MFSD6: variants seen among roughly 807,000 people sequenced by gnomAD.
The protein encoded by MFSD6 is major facilitator superfamily domain containing 6, also known as major facilitator superfamily domain-containing protein 6.
In MFSD6, 26 loss-of-function variants were observed where a neutral mutation model predicts 56.3. The observed-to-expected ratio is 0.46, with a 90% confidence interval of 0.34 to 0.64. The LOEUF (loss-of-function observed/expected upper bound fraction) is 0.64, where lower values mean the gene tolerates loss of function less well. Among genes scored for constraint, MFSD6 ranks in the 30% least tolerant of loss-of-function variants. The pLI, the probability that MFSD6 is intolerant of heterozygous loss-of-function variation, is 0.01. For missense variants in MFSD6, 750 were observed against 986.2 expected (o/e 0.76, Z 3.21); for synonymous variants, 331 against 366.9 (o/e 0.90, Z 1.12).
chr2:190,449,963 A>G (rs1002884607), intron 3 of MFSD6, among the ~76,000 whole-genome samples: 2 of 152,180 alleles, frequency 1.3e-5, no homozygotes, highest in Non-Finnish European at 2.9e-5. Flanking sequence ...ATGTATACAT[A>G]TGTAACTAAC....
chr2:190,448,145 C>A (rs4241290), intron 3 of MFSD6, among the ~76,000 whole-genome samples: 133,787 of 152,178 alleles, frequency 0.88, 59,622 homozygotes, highest in East Asian at 1. Context: ...GACTGCCACC[C>A]TCTAACAGGC....
chr2:190,456,035 G>C lies in MFSD6; in HGVS notation c.1533-13723G>C, dbSNP rs150757846. Among the ~76,000 whole-genome samples, 20,015 of 143,138 alleles carry C rather than the reference G, an allele frequency of 0.14. 1,627 individuals carry two copies. Among genetic ancestry groups the C allele is most frequent in the Middle Eastern group, 0.23 (62 of 264 alleles). 93.9% of individuals were successfully genotyped at this position (143,138 alleles called of 152,430 possible). A position where few individuals can be genotyped will look rare whatever the true frequency, so the allele number is the denominator to read the frequency against. On this transcript the variant is annotated intron_variant, in intron 3 of 7. Coordinates refer to ENST00000392328, the MANE Select transcript of MFSD6 (RefSeq NM_017694.4). The surrounding 1 kb of genome is among the most constrained non-coding windows in gnomAD (Gnocchi z 5.4). The stretch of plus-strand genomic sequence containing the variant: ...GGCTCACTGCAACCTCTGCCTCCTG[G>C]GTTCAAGCAGTTCTCCTGTGTCAGC...
intron 3 of MFSD6, among the ~76,000 whole-genome samples, chr2:190,448,271 G>A (rs528683033): frequency 2.6e-5 from 4 of 152,350 alleles, no homozygotes; most frequent in African/African-American, 7.2e-5. Flanking sequence ...CCTCAAGCTA[G>A]ATACTCCCTA....
In MFSD6 at chr2:190,415,590, A is replaced by G. The variant is rs1690742344; in HGVS notation, c.-54+177A>G. Among the ~76,000 whole-genome samples, 1 of 152,162 alleles carries G rather than the reference A, an allele frequency of 6.6e-6. No homozygotes were observed. Among genetic ancestry groups the G allele is most frequent in the Non-Finnish European group, 1.5e-5 (1 of 68,016 alleles). ...CAGCCACTTTTTTATTTTATGGGCT[A>G]AGTAATAAACCTTTTTCTGAAACTA... On this transcript the variant is annotated intron_variant, in intron 2 of 7. Transcript: ENST00000392328. The surrounding 1 kb of genome is among the most constrained non-coding windows in gnomAD (Gnocchi z 4.5).
At chr2:190,441,245 C>T (rs766023243) in intron 3 of MFSD6, among the ~76,000 whole-genome samples, 4 of 152,028 alleles carry the variant, frequency 2.6e-5, no homozygotes, top group Admixed American at 6.6e-5. Context: ...GGTCTGTTCT[C>T]GTGTCTTCTA....
At position 190,499,802 on chromosome 2, in the gene MFSD6, G is replaced by C. The variant is rs561510915; in HGVS notation, c.2173-213G>C. The C allele has an allele frequency of 1.1e-5, 17 of 1,523,202 alleles. No homozygotes were observed. The South Asian group carries it at 1.9e-4, about 17-fold the overall frequency. The allele number at this position is 1,523,202 out of a possible 1,614,324, so 94.4% of individuals were successfully genotyped here. A position where few individuals can be genotyped will look rare whatever the true frequency, so the allele number is the denominator to read the frequency against. ...TTTCCACAAGACACGTCTGCTTATAGTGTTTGTGTTTTTCATGCGGCTCTG... is the reference window on the plus strand; with the variant it reads ...TTTCCACAAGACACGTCTGCTTATACTGTTTGTGTTTTTCATGCGGCTCTG... On this transcript the variant is annotated intron_variant, in intron 7 of 7. Coordinates refer to ENST00000392328, the MANE Select transcript of MFSD6 (RefSeq NM_017694.4). The surrounding 1 kb of genome is among the most constrained non-coding windows in gnomAD (Gnocchi z 6.0).
chr2:190,435,791 T>G, intron 2 of MFSD6, 186 bp from the exon 3 acceptor site: 3 of 474,416 alleles, frequency 6.3e-6, no homozygotes, highest in Non-Finnish European at 7.3e-6. Flanking sequence ...CCATAAAGAG[T>G]ATTCGATTTT....
At chr2:190,449,949 G>C (rs1190297534) in intron 3 of MFSD6, among the ~76,000 whole-genome samples, 2 of 151,828 alleles carry the variant, frequency 1.3e-5, no homozygotes, top group African/African-American at 4.8e-5. Flanking sequence ...CACCAGCATG[G>C]CACATGTATA....
chr2:190,452,640 AC>A (rs1686821534), intron 3 of MFSD6, among the ~76,000 whole-genome samples: 2 of 152,138 alleles, frequency 1.3e-5, no homozygotes, highest in Admixed American at 1.3e-4. Flanking sequence ...ACCCAGTCTC[AC>A]CTCTTAGTCT....
rs190496178 is a variant in MFSD6, at chr2:190,496,890, T to C, written c.1892-549T>C. On this transcript the variant is annotated intron_variant, in intron 6 of 7. Transcript: ENST00000392328. The surrounding 1 kb of genome is among the most constrained non-coding windows in gnomAD (Gnocchi z 4.7). Reference sequence around the variant, plus strand: ...ATGCAAAGGCATAAGAATGATATGATGGACTTTGGGGACTCAGGGGAAAGG... The same window carrying C: ...ATGCAAAGGCATAAGAATGATATGACGGACTTTGGGGACTCAGGGGAAAGG... Among the ~76,000 whole-genome samples, 163 of 152,242 alleles carry C rather than the reference T, an allele frequency of 1.1e-3. 2 individuals carry two copies. Among genetic ancestry groups the C allele is most frequent in the Admixed American group, 7.8e-3 (120 of 15,296 alleles).
chr2:190,434,154 C>G lies in MFSD6; in HGVS notation c.-53-1823C>G, dbSNP rs1375496128. Among the ~76,000 whole-genome samples, 1 of 145,124 alleles carries G rather than the reference C, an allele frequency of 6.9e-6. No individual in the cohort carries two copies. Among genetic ancestry groups the G allele is most frequent in the Non-Finnish European group, 1.5e-5 (1 of 67,070 alleles). ...CATAATTACACCACTGCACTCCAGC[C>G]TGGGTGACAGAGTAAGACCCTGTCT... On this transcript the variant is annotated intron_variant, in intron 2 of 7. Coordinates refer to ENST00000392328, the MANE Select transcript of MFSD6 (RefSeq NM_017694.4). This position sits in a 1 kb window ranked among gnomAD's most constrained non-coding sequence, Gnocchi z 4.3.
rs768081945 is a variant in MFSD6 at position 190,488,006 on chromosome 2, G to A, written c.1631-651G>A. On this transcript the variant is annotated intron_variant, in intron 4 of 7. Transcript: ENST00000392328. The surrounding 1 kb of genome is among the most constrained non-coding windows in gnomAD (Gnocchi z 6.4). The stretch of plus-strand genomic sequence containing the variant: ...CAACCTCTGCCTCCTGGGTTCAAAC[G>A]ATTCCACTGCCTCAGCCTCCCGAGT... Among the ~76,000 whole-genome samples, 1 of 152,090 alleles carries A rather than the reference G, an allele frequency of 6.6e-6. No individual in the cohort carries two copies. The highest frequency in any genetic ancestry group is 2.4e-5 in the African/African-American group (1 of 41,400).
rs537108807 is a variant in MFSD6 at position 190,437,604 on chromosome 2, T to G, written c.1532+43T>G. 65 of 1,572,056 alleles carry G rather than the reference T, an allele frequency of 4.1e-5. 1 individual carries two copies. The Admixed American group carries it at 7.8e-4, about 19-fold the overall frequency. On this transcript the variant is annotated intron_variant, in intron 3 of 7. Transcript: ENST00000392328. This position sits in a 1 kb window ranked among gnomAD's most constrained non-coding sequence, Gnocchi z 5.9. ...ATTGCTGCCCCTCAGCAATTGAACTTTATCTTTTTATGGTTTATAGCTCCT... is the reference window on the plus strand; with the variant it reads ...ATTGCTGCCCCTCAGCAATTGAACTGTATCTTTTTATGGTTTATAGCTCCT...
At chr2:190,428,096 CAT>C (rs1205209445) in intron 2 of MFSD6, among the ~76,000 whole-genome samples, 3 of 152,318 alleles carry the variant, frequency 2.0e-5, no homozygotes, top group East Asian at 3.9e-4. Context: ...TAAGTGGAAT[CAT>C]GTGTTCAGTG....
chr2:190,484,456 T>G (rs1688894481), intron 4 of MFSD6, among the ~76,000 whole-genome samples: 1 of 152,308 alleles, frequency 6.6e-6, no homozygotes, highest in East Asian at 1.9e-4. Flanking sequence ...TCCCCTCTAC[T>G]TTACAGGAAT....
Position 190,437,647 on chromosome 2 carries a change from G to T in MFSD6, c.1532+86G>T. The T allele has an allele frequency of 6.9e-7, 1 of 1,442,382 alleles. No homozygotes were observed. The highest frequency in any genetic ancestry group is 9.3e-7 in the Non-Finnish European group (1 of 1,070,468). The allele number at this position is 1,442,382 out of a possible 1,614,324, so 89.3% of individuals were successfully genotyped here. The stretch of plus-strand genomic sequence containing the variant: ...TAGCTCCTTCTACTACAATTTTAAG[G>T]TATTATAATTTGTGTTGAGGATAGG... On this transcript the variant is annotated intron_variant, in intron 3 of 7. Coordinates refer to ENST00000392328, the MANE Select transcript of MFSD6 (RefSeq NM_017694.4). This position sits in a 1 kb window ranked among gnomAD's most constrained non-coding sequence, Gnocchi z 5.9.
In MFSD6 at chr2:190,492,317, A is replaced by G. The variant is rs1487968323; in HGVS notation, c.1891+2451A>G. Among the ~76,000 whole-genome samples the G allele has an allele frequency of 1.3e-5, 2 of 152,242 alleles. No individual in the cohort carries two copies. Among genetic ancestry groups the G allele is most frequent in the Non-Finnish European group, 2.9e-5 (2 of 68,040 alleles). On this transcript the variant is annotated intron_variant, in intron 6 of 7. Transcript: ENST00000392328. The surrounding 1 kb of genome is among the most constrained non-coding windows in gnomAD (Gnocchi z 5.2). ...AAGAACACCTGGGAAATTCATTGCA[A>G]AGAGATCATTGCCTAGGCACATTGT... is the stretch of plus-strand genomic sequence containing the variant.
At position 190,425,231 on chromosome 2, in the gene MFSD6, A is replaced by G. The variant is rs1249887724; in HGVS notation, c.-54+9818A>G. 6.6e-6 allele frequency among the ~76,000 whole-genome samples: 1 copy of G among 152,132 alleles called. No homozygotes were observed. The highest frequency in any genetic ancestry group is 1.5e-5 in the Non-Finnish European group (1 of 68,006). On this transcript the variant is annotated intron_variant, in intron 2 of 7. Coordinates refer to ENST00000392328, the MANE Select transcript of MFSD6 (RefSeq NM_017694.4). This position sits in a 1 kb window ranked among gnomAD's most constrained non-coding sequence, Gnocchi z 4.3. The stretch of plus-strand genomic sequence containing the variant: ...TGCTGAACTCACTTATTAGTTCTAG[A>G]AGTTTATTTATAGGTTTCTTGGGAT...
chr2:190,486,625 G>A (rs189506296), intron 4 of MFSD6, among the ~76,000 whole-genome samples: 3 of 152,206 alleles, frequency 2.0e-5, no homozygotes, highest in East Asian at 1.9e-4. Flanking sequence ...TGTTTTGTCC[G>A]GTTTTTTAGT....
Sources: gnomAD v4.1 joint callset for allele counts (sites outside exome capture counted in the v4.1 genomes callset) on GRCh38, gnomAD v4.1.1 for gene constraint, Gnocchi (gnomAD v3.1) non-coding constraint, MANE v1.5 for transcripts, NCBI Gene and HGNC (gene_info 2026-07-23, HGNC 2026-07-21) for gene names.